Variants in GNG2 observed in about 807,000 individuals in gnomAD.
GNG2 encodes the protein G protein subunit gamma 2.
In GNG2, 5 loss-of-function variants were observed where a neutral mutation model predicts 5.5. The observed-to-expected ratio is 0.91, with a 90% CI of 0.48 to 1.92. The LOEUF (loss-of-function observed/expected upper bound fraction) is 1.92. Among genes scored for constraint, GNG2 ranks in the 30% most tolerant of loss-of-function variants. The pLI is 0.01. For missense variants in GNG2, 55 were observed against 88.4 expected, an observed-to-expected ratio of 0.62 and a Z score of 1.52; for synonymous variants, 28 against 32.0, an observed-to-expected ratio of 0.88 and a Z score of 0.42.
chr14:51,904,031 A>G (rs972175963), intron 2 of GNG2, among the ~76,000 whole-genome samples: 2 of 152,228 alleles, frequency 1.3e-5, no homozygotes, highest in Non-Finnish European at 2.9e-5. Context: ...AGAGAATCTC[A>G]GGAGAGCTAG....
In GNG2 at chr14:51,944,665, G is replaced by A. The variant is rs899375511; in HGVS notation, c.-29-5985G>A. Among the ~76,000 whole-genome samples, 8 of 152,116 alleles carry A rather than the reference G, an allele frequency of 5.3e-5. No homozygotes were observed. The East Asian group carries it at 1.3e-3, about 26-fold the overall frequency. ...AAAATGAACTTAAAATGGATCAAAC[G>A]CCTAAACATAAGAGCTAAAAACTAT... On this transcript the variant is annotated intron_variant, in intron 2 of 3. Transcript: ENST00000556766.
Position 51,903,821 on chromosome 14 carries a change from A to G in GNG2, c.-30+26164A>G, listed in dbSNP as rs1031756177. Among the ~76,000 whole-genome samples, 7 of 152,216 alleles carry G rather than the reference A, an allele frequency of 4.6e-5. No homozygotes were observed. In the South Asian group the frequency reaches 1.4e-3, roughly 31 times the overall value. On this transcript the variant is annotated intron_variant, in intron 2 of 3. Coordinates refer to ENST00000556766, the MANE Select transcript of GNG2 (RefSeq NM_053064.5). The stretch of plus-strand genomic sequence containing the variant: ...CCACCACCAACTCTATGGTTTGGGA[A>G]GAACTCAGACAGTGACAGGGTAGCT...
chr14:51,844,321 T>C (rs1881563819), intron 2 of GNG2, among the ~76,000 whole-genome samples: 1 of 152,188 alleles, frequency 6.6e-6, no homozygotes, highest in Non-Finnish European at 1.5e-5. Context: ...CCATCTCATA[T>C]ATGGTTCAAA....
At chr14:51,829,186 G>A (rs1459968605) in intron 2 of GNG2, among the ~76,000 whole-genome samples, 1 of 152,038 alleles carries the variant, frequency 6.6e-6, no homozygotes, top group Non-Finnish European at 1.5e-5. Context: ...CAGTGACCTG[G>A]TCCTCCTGTG....
intron 3 of GNG2, among the ~76,000 whole-genome samples, chr14:51,956,734 G>A (rs1889294227): frequency 6.6e-6 from 1 of 152,188 alleles, no homozygotes; most frequent in South Asian, 2.1e-4. Flanking sequence ...TTTCCCGTGT[G>A]TATAGGCAAT....
At chr14:51,941,113 A>G (rs1888295860) in intron 2 of GNG2, among the ~76,000 whole-genome samples, 1 of 152,118 alleles carries the variant, frequency 6.6e-6, no homozygotes, top group South Asian at 2.1e-4. Flanking sequence ...TATAATATCA[A>G]TTTGATGATG....
intron 2 of GNG2, among the ~76,000 whole-genome samples, chr14:51,883,952 A>T (rs954443290): frequency 6.6e-6 from 1 of 152,128 alleles, no homozygotes; most frequent in Non-Finnish European, 1.5e-5. Context: ...AATATATGTG[A>T]AATATTTAAA....
intron 2 of GNG2, among the ~76,000 whole-genome samples, chr14:51,907,225 T>C (rs1463302106): frequency 6.6e-6 from 1 of 152,212 alleles, no homozygotes; most frequent in African/African-American, 2.4e-5. Flanking sequence ...CTTCCAGACA[T>C]GCTGGCCATG....
intron 2 of GNG2, among the ~76,000 whole-genome samples, chr14:51,855,266 C>T (rs1451999791): frequency 6.6e-6 from 1 of 152,214 alleles, no homozygotes; most frequent in Non-Finnish European, 1.5e-5. Flanking sequence ...CTTCATGTCC[C>T]TTGTCCCACT....
chr14:51,893,845 T>A (rs1388472844), intron 2 of GNG2, among the ~76,000 whole-genome samples: 1 of 152,164 alleles, frequency 6.6e-6, no homozygotes, highest in East Asian at 1.9e-4. Flanking sequence ...AACCCTCTTT[T>A]ATCTACTGAA....
At chr14:51,846,717 AC>A (rs1339430653) in intron 2 of GNG2, among the ~76,000 whole-genome samples, 1 of 151,986 alleles carries the variant, frequency 6.6e-6, no homozygotes, top group Non-Finnish European at 1.5e-5. Flanking sequence ...CCATGCCAAC[AC>A]CCCTGGCTAC....
At chr14:51,931,952 T>A (rs1265154517) in intron 2 of GNG2, among the ~76,000 whole-genome samples, 1 of 151,962 alleles carries the variant, frequency 6.6e-6, no homozygotes, top group Non-Finnish European at 1.5e-5. Context: ...AGTGGATGAA[T>A]AAAGAAAATG....
At chr14:51,881,264 CT>C (rs1032123005) in intron 2 of GNG2, among the ~76,000 whole-genome samples, 2 of 152,128 alleles carry the variant, frequency 1.3e-5, no homozygotes, top group South Asian at 2.1e-4. Flanking sequence ...CTTTTCCCCC[CT>C]AAGAGACAGC....
chr14:51,946,013 G>T (rs1432186305), intron 2 of GNG2, among the ~76,000 whole-genome samples: 1 of 152,154 alleles, frequency 6.6e-6, no homozygotes, highest in Non-Finnish European at 1.5e-5. Context: ...TGGCGTTTCA[G>T]GAAACAGCTA....
chr14:51,827,942 A>AT, intron 2 of GNG2: 1 of 589,274 alleles, frequency 1.7e-6, no homozygotes, highest in South Asian at 2.0e-5. Flanking sequence ...AGGAGGGAGC[A>AT]TAAAGCTGCG....
At chr14:51,938,873 GA>G (rs1208599826) in intron 2 of GNG2, among the ~76,000 whole-genome samples, 1 of 152,200 alleles carries the variant, frequency 6.6e-6, no homozygotes, top group Admixed American at 6.5e-5. Context: ...TGAGGTTTGA[GA>G]GACACTGAGG....
intron 2 of GNG2, among the ~76,000 whole-genome samples, chr14:51,880,974 A>AAG (rs1884022834): frequency 6.7e-6 from 1 of 150,076 alleles, no homozygotes; most frequent in Admixed American, 6.6e-5. Context: ...AAAGAAAAAA[A>AAG]AAAAAAAAAA....
chr14:51,929,999 A>G (rs191109504), intron 2 of GNG2, among the ~76,000 whole-genome samples: 3 of 152,182 alleles, frequency 2.0e-5, no homozygotes, highest in Non-Finnish European at 2.9e-5. Flanking sequence ...TAGAAATTCC[A>G]TAATGTTTCT....
At chr14:51,895,932 T>A (rs1885163866) in intron 2 of GNG2, among the ~76,000 whole-genome samples, 1 of 152,258 alleles carries the variant, frequency 6.6e-6, no homozygotes, top group Admixed American at 6.5e-5. Context: ...GACTTACTCA[T>A]CCTGGTCTTC....
Sources: gnomAD v4.1 joint callset for allele counts (sites outside exome capture counted in the v4.1 genomes callset) on GRCh38, gnomAD v4.1.1 for gene constraint, MANE v1.5 for transcripts, NCBI Gene and HGNC (gene_info 2026-07-23, HGNC 2026-07-21) for gene names.